The following PHF20 variants were observed in gnomAD, a reference collection of about 807,000 sequenced individuals.
PHF20 encodes glioma-expressed antigen 2.
Under a neutral mutation model 113.5 loss-of-function variants are expected in PHF20, and 23 were observed. The ratio of observed to expected loss-of-function variants is 0.20; its 90% CI spans 0.15 to 0.29. The LOEUF is 0.29. PHF20 is among the 10% of genes least tolerant of loss of function. The pLI is 1.00. For missense variants in PHF20, 943 were observed against 1,219.6 expected (o/e 0.77, Z 3.38); for synonymous variants, 434 against 457.3 (o/e 0.95, Z 0.65).
chr20:35,813,714 C>A (rs1285951765), intron 2 of PHF20, among the ~76,000 whole-genome samples: 1 of 151,986 alleles, frequency 6.6e-6, no homozygotes, highest in African/African-American at 2.4e-5. Flanking sequence ...AAAAATTAGC[C>A]AGGCGTGGTG....
chr20:35,884,331 T>C (rs911293250), intron 9 of PHF20, among the ~76,000 whole-genome samples: 1 of 152,128 alleles, frequency 6.6e-6, no homozygotes, highest in Non-Finnish European at 1.5e-5. Context: ...GAAATTGGTG[T>C]GAAGGAGGCT....
At chr20:35,830,196 G>T (rs1221527560) in intron 2 of PHF20, among the ~76,000 whole-genome samples, 1 of 152,312 alleles carries the variant, frequency 6.6e-6, no homozygotes, top group East Asian at 1.9e-4. Context: ...TTACAGGTGT[G>T]AGCCACCGTG....
chr20:35,862,723 ACT>A (rs2054238901), intron 5 of PHF20, among the ~76,000 whole-genome samples: 1 of 152,030 alleles, frequency 6.6e-6, no homozygotes. Context: ...ACAGAGAGAG[ACT>A]CTGTCTCAGA....
At chr20:35,874,905 C>T (rs1158583772) in intron 9 of PHF20, among the ~76,000 whole-genome samples, 4 of 151,796 alleles carry the variant, frequency 2.6e-5, no homozygotes, top group African/African-American at 7.3e-5. Context: ...TATTGAAGGC[C>T]TTGCATCAAC....
intron 2 of PHF20, among the ~76,000 whole-genome samples, chr20:35,842,280 C>T (rs1441453625): frequency 6.6e-5 from 10 of 151,968 alleles, no homozygotes; most frequent in South Asian, 4.2e-4. Flanking sequence ...CAGGAGGTTG[C>T]GGTGAGCCAA....
intron 1 of PHF20, among the ~76,000 whole-genome samples, chr20:35,786,762 A>G (rs1184184724): frequency 6.6e-6 from 1 of 152,134 alleles, no homozygotes; most frequent in Non-Finnish European, 1.5e-5. Flanking sequence ...GATAGATTGG[A>G]GCCCCCAGTG....
At chr20:35,824,347 G>A (rs1003659987) in intron 2 of PHF20, among the ~76,000 whole-genome samples, 2 of 152,006 alleles carry the variant, frequency 1.3e-5, no homozygotes, top group East Asian at 1.9e-4. Context: ...GGTGGCTCAC[G>A]CCTGTAATCC....
At chr20:35,782,262 G>GTTTTTTTTT (rs11480471) in intron 1 of PHF20, 3 of 143,492 alleles carry the variant, frequency 2.1e-5, no homozygotes, top group Non-Finnish European at 3.0e-5. Context: ...TTCTTGTTTT[G>GTTTTTTTTT]TTTTTTTTTT....
intron 4 of PHF20, chr20:35,853,443 A>G (rs1040510704): frequency 6.6e-6 from 1 of 152,116 alleles, no homozygotes; most frequent in African/African-American, 2.4e-5. Flanking sequence ...AGTGAATGAG[A>G]TAGAAAAGAA....
chr20:35,924,120 C>G, intron 13 of PHF20, among the ~76,000 whole-genome samples: 1 of 151,544 alleles, frequency 6.6e-6, no homozygotes, highest in East Asian at 1.9e-4. Context: ...ATTCACATTG[C>G]TTTGCAACCA....
At chr20:35,894,286 A>G (rs1271484804) in intron 9 of PHF20, among the ~76,000 whole-genome samples, 1 of 152,226 alleles carries the variant, frequency 6.6e-6, no homozygotes, top group African/African-American at 2.4e-5. Flanking sequence ...CTTATGATGT[A>G]TTTTATATTT....
chr20:35,873,474 T>TC (rs1321881742), intron 9 of PHF20, among the ~76,000 whole-genome samples: 1 of 148,472 alleles, frequency 6.7e-6, no homozygotes, highest in African/African-American at 2.5e-5. Flanking sequence ...TTGTTTTTTT[T>TC]TTTTTTTTTT....
chr20:35,947,786 AT>A lies in PHF20; in HGVS notation c.*163del. ...GTGGTGGACATTGGACAAAGAGGCCATTTTGGCTGCGGGAGGACACTCTGAT... is the reference window on the plus strand; with the variant it reads ...GTGGTGGACATTGGACAAAGAGGCCATTTGGCTGCGGGAGGACACTCTGAT... On this transcript the variant is annotated 3_prime_UTR_variant, in exon 18 of 18. Coordinates refer to ENST00000374012, the MANE Select transcript of PHF20 (RefSeq NM_016436.5). The A allele has an allele frequency of 1.4e-6, 1 of 720,626 alleles. No homozygotes were observed. The allele number at this position is 720,626 out of a possible 1,614,324, so 44.6% of individuals were successfully genotyped here.
chr20:35,940,540 A>T (rs540956686), intron 16 of PHF20, among the ~76,000 whole-genome samples: 51 of 152,004 alleles, frequency 3.4e-4, no homozygotes, highest in Admixed American at 2.7e-3. Flanking sequence ...CCGTGTACTA[A>T]CCCTTGTCTG....
chr20:35,851,917 C>CAA (rs777146225), intron 4 of PHF20, among the ~76,000 whole-genome samples: 2 of 121,030 alleles, frequency 1.7e-5, no homozygotes, highest in Non-Finnish European at 1.8e-5. Context: ...ACTCCGTCTC[C>CAA]AAAAAAAAAA....
chr20:35,845,391 T>C, intron 3 of PHF20: 1 of 398,398 alleles, frequency 2.5e-6, no homozygotes, highest in Non-Finnish European at 5.2e-6. Context: ...AAAGAGACGT[T>C]TTCTTGCTCT....
chr20:35,906,654 G>T (rs963260392), intron 10 of PHF20, among the ~76,000 whole-genome samples: 1 of 152,218 alleles, frequency 6.6e-6, no homozygotes, highest in African/African-American at 2.4e-5. Context: ...CAGCTGCTGG[G>T]AAGGGAAGTG....
chr20:35,843,681 C>G (rs2146938962), intron 3 of PHF20, among the ~76,000 whole-genome samples: 1 of 152,170 alleles, frequency 6.6e-6, no homozygotes, highest in South Asian at 2.1e-4. Context: ...CTCCCAGGCT[C>G]AAGCGATCTT....
In PHF20 at chr20:35,927,895, G is replaced by T. The variant is rs1294834308; in HGVS notation, c.2104+16G>T. ...GACCCTCCAGGTAGAGATTTCTGGA[G>T]TCAGGGATATAACAGTATGTAGCCT... On this transcript the variant is annotated intron_variant, in intron 14 of 17. Coordinates refer to ENST00000374012, the MANE Select transcript of PHF20 (RefSeq NM_016436.5). 6.4e-7 allele frequency: 1 copy of T among 1,551,148 alleles called. No individual in the cohort carries two copies. The highest frequency in any genetic ancestry group is 8.9e-7 in the Non-Finnish European group (1 of 1,122,616).
Sources: gnomAD v4.1 joint callset for allele counts (sites outside exome capture counted in the v4.1 genomes callset) on GRCh38, gnomAD v4.1.1 for gene constraint, MANE v1.5 for transcripts, NCBI Gene and HGNC (gene_info 2026-07-23, HGNC 2026-07-21) for gene names.